Variants in MEOX1 observed in about 807,000 individuals in gnomAD.
The protein encoded by MEOX1 is mesenchyme homeobox 1.
A neutral mutation model predicts 23.2 loss-of-function variants in MEOX1; 17 were observed. That is an observed-to-expected ratio of 0.73 (90% CI 0.50 to 1.10). MEOX1 has a LOEUF of 1.10. Ranked by LOEUF, MEOX1 falls within the 50% of genes least tolerant of loss-of-function variation. The pLI is 0.00. For missense variants in MEOX1, 333 were observed against 332.2 expected, an observed-to-expected ratio of 1.00 and a Z score of -0.02; for synonymous variants, 134 against 135.1, an observed-to-expected ratio of 0.99 and a Z score of 0.06.
rs753071047 is a variant in MEOX1, at chr17:43,641,951, G to A, written c.724C>T (p.Pro242Ser). The change falls in exon 3 of 3, where the codon CCT becomes TCT. Residue 242 changes from proline to serine, a missense_variant. Coordinates refer to ENST00000318579, the MANE Select transcript of MEOX1 (RefSeq NM_004527.4). ...GQPISPNGQD[P>S]EDGDSTASPS... ...GAGGCTGTGGAGTCCCCATCCTCAGGGTCCTGCCCATTGGGGGAGATGGGC... is the reference window on the plus strand; with the variant it reads ...GAGGCTGTGGAGTCCCCATCCTCAGAGTCCTGCCCATTGGGGGAGATGGGC... The A allele has an allele frequency of 6.2e-7, 1 of 1,613,850 alleles. No individual in the cohort carries two copies. The highest frequency in any genetic ancestry group is 1.3e-5 in the African/African-American group (1 of 74,892).
intron 1 of MEOX1, among the ~76,000 whole-genome samples, chr17:43,651,675 T>G (rs1972919053): frequency 2.0e-5 from 3 of 152,230 alleles, no homozygotes. Flanking sequence ...TCTGGAGGTC[T>G]GCAGGGGCTG....
chr17:43,642,051 G>A lies in MEOX1; in HGVS notation c.643-19C>T. The A allele has an allele frequency of 1.9e-6, 3 of 1,609,284 alleles. No individual in the cohort carries two copies. The highest frequency in any genetic ancestry group is 2.5e-6 in the Non-Finnish European group (3 of 1,177,534). Reference sequence around the variant, plus strand: ...CTTTGACCTGGGGGAGGAAGCAAAGGAGCCTGGTCACTCCAGGGCCGGTGT... The same window carrying A: ...CTTTGACCTGGGGGAGGAAGCAAAGAAGCCTGGTCACTCCAGGGCCGGTGT... On this transcript the variant is annotated intron_variant, in intron 2 of 2. Transcript: ENST00000318579.
chr17:43,643,455 G>C, intron 2 of MEOX1, 33 bp downstream of exon 2: 1 of 1,525,146 alleles, frequency 6.6e-7, no homozygotes, highest in Non-Finnish European at 8.9e-7. Context: ...AGATGAGAGA[G>C]CAAAGAAGAG....
At chr17:43,653,904 G>C (rs542400558) in intron 1 of MEOX1, among the ~76,000 whole-genome samples, 99 of 152,280 alleles carry the variant, frequency 6.5e-4, no homozygotes, top group African/African-American at 2.4e-3. Context: ...CAGTGGAAAA[G>C]CTCTACCAGC....
intron 2 of MEOX1, among the ~76,000 whole-genome samples, chr17:43,642,629 A>G (rs890972210): frequency 6.6e-6 from 1 of 152,070 alleles, no homozygotes; most frequent in African/African-American, 2.4e-5. Flanking sequence ...TATTATTACT[A>G]TTATTCCGTA....
chr17:43,661,609 T>G lies in MEOX1; in HGVS notation c.-75A>C. On this transcript the variant is annotated 5_prime_UTR_variant, in exon 1 of 3. Coordinates refer to ENST00000318579, the MANE Select transcript of MEOX1 (RefSeq NM_004527.4). The stretch of plus-strand genomic sequence containing the variant: ...CTTTTTATGTTCAAATTTTTAAAAA[T>G]GCAAAAGAAAAAAAACTAAATAGGA... The G allele has an allele frequency of 1.1e-6, 1 of 895,472 alleles. No homozygotes were observed. Among genetic ancestry groups the G allele is most frequent in the Non-Finnish European group, 1.5e-6 (1 of 675,104 alleles). 55.5% of individuals were successfully genotyped at this position (895,472 alleles called of 1,614,324 possible).
intron 1 of MEOX1, among the ~76,000 whole-genome samples, chr17:43,645,225 A>G (rs1437866545): frequency 1.8e-4 from 24 of 132,312 alleles, no homozygotes; most frequent in Admixed American, 1.3e-3. Flanking sequence ...CGCCAAGGCT[A>G]GAGTGCAGTG....
intron 1 of MEOX1, among the ~76,000 whole-genome samples, chr17:43,648,434 T>G: frequency 7.0e-6 from 1 of 143,422 alleles, no homozygotes; most frequent in Admixed American, 7.2e-5. Flanking sequence ...ACCACTGCAC[T>G]CCAGCCTGGG....
chr17:43,654,465 G>A (rs1463483734), intron 1 of MEOX1, among the ~76,000 whole-genome samples: 3 of 151,920 alleles, frequency 2.0e-5, no homozygotes, highest in African/African-American at 4.8e-5. Context: ...CCGTGATCAC[G>A]CCATTGTGCT....
Position 43,645,343 on chromosome 17 carries a change from A to T in MEOX1, c.470-1683T>A, listed in dbSNP as rs13380835. Among the ~76,000 whole-genome samples the T allele has an allele frequency of 3.2e-3, 483 of 151,452 alleles. 3 individuals are homozygous for T. Among genetic ancestry groups the T allele is most frequent in the African/African-American group, 0.011 (460 of 41,264 alleles). ...AGGCGCCCGCCACCACGCCCGGCAA[A>T]TTTTTTTGTATTTTTAGTAGAGACG... On this transcript the variant is annotated intron_variant, in intron 1 of 2. Transcript: ENST00000318579.
rs1053578832 is a variant in MEOX1 at position 43,651,114 on chromosome 17, C to T, written c.470-7454G>A. ...CGGGTGGATCACGAGATCAGGAGATCGAGACCATCCTGGCTAATATGGTGA... is the reference window on the plus strand; with the variant it reads ...CGGGTGGATCACGAGATCAGGAGATTGAGACCATCCTGGCTAATATGGTGA... On this transcript the variant is annotated intron_variant, in intron 1 of 2. Transcript: ENST00000318579. 3.9e-5 allele frequency among the ~76,000 whole-genome samples: 6 copies of T among 152,030 alleles called. No homozygotes were observed. In the East Asian group the frequency reaches 5.8e-4, roughly 15 times the overall value.
rs1972697831 is a variant in MEOX1, at chr17:43,641,732, G to A, written c.*178C>T. 1 of 625,320 alleles carries A rather than the reference G, an allele frequency of 1.6e-6. No individual in the cohort carries two copies. Among genetic ancestry groups the A allele is most frequent in the Non-Finnish European group, 2.7e-6 (1 of 370,920 alleles). The allele number at this position is 625,320 out of a possible 1,614,324, so 38.7% of individuals were successfully genotyped here. On this transcript the variant is annotated 3_prime_UTR_variant, in exon 3 of 3. Transcript: ENST00000318579. Reference sequence around the variant, plus strand: ...GAAGAGGCTGCTAAGAGGCTGGACAGAACTTCCTAGAAAATCCTAAGACTC... The same window carrying A: ...GAAGAGGCTGCTAAGAGGCTGGACAAAACTTCCTAGAAAATCCTAAGACTC...
At chr17:43,651,127 G>T (rs1203746491) in intron 1 of MEOX1, among the ~76,000 whole-genome samples, 1 of 152,118 alleles carries the variant, frequency 6.6e-6, no homozygotes, top group Non-Finnish European at 1.5e-5. Flanking sequence ...GACCATCCTG[G>T]CTAATATGGT....
At chr17:43,660,099 G>T (rs1238720981) in intron 1 of MEOX1, among the ~76,000 whole-genome samples, 3 of 152,228 alleles carry the variant, frequency 2.0e-5, no homozygotes, top group Non-Finnish European at 2.9e-5. Flanking sequence ...GGAAAACAGG[G>T]CAGCACGGGC....
intron 1 of MEOX1, among the ~76,000 whole-genome samples, chr17:43,659,237 T>TGCC (rs1973096724): frequency 6.6e-6 from 1 of 152,214 alleles, no homozygotes; most frequent in South Asian, 2.1e-4. Flanking sequence ...CAGTGCTGCG[T>TGCC]GCCGCCACCA....
intron 1 of MEOX1, 119 bp downstream of exon 1, chr17:43,660,947 C>G (rs751705578): frequency 3.4e-6 from 2 of 593,906 alleles, no homozygotes; most frequent in Non-Finnish European, 5.6e-6. Context: ...GGTCCAGTCT[C>G]CTGCATTTGG....
At position 43,661,776 on chromosome 17, in the gene MEOX1, C is replaced by T. The variant is rs1215444018; in HGVS notation, c.-242G>A. The T allele has an allele frequency of 5.0e-6, 2 of 401,706 alleles. No homozygotes were observed. The highest frequency in any genetic ancestry group is 8.7e-6 in the Non-Finnish European group (2 of 228,710). 24.9% of individuals were successfully genotyped at this position (401,706 alleles called of 1,614,324 possible). A position where few individuals can be genotyped will look rare whatever the true frequency, so the allele number is the denominator to read the frequency against. On this transcript the variant is annotated 5_prime_UTR_variant, in exon 1 of 3. Transcript: ENST00000318579. ...CACACCTATGTCGGGCTTGCTCCTGCCCCTCCAATGCACCAGCCTACCTAC... is the reference window on the plus strand; with the variant it reads ...CACACCTATGTCGGGCTTGCTCCTGTCCCTCCAATGCACCAGCCTACCTAC...
rs1358532357 is a variant in MEOX1 at position 43,656,998 on chromosome 17, TTCTTTCTTTCTTTC to T, written c.469+4054_469+4067del. Reference sequence around the variant, plus strand: ...GTTTGTTCATTTTCTTTCTTTCTTTTTCTTTCTTTCTTTCTCTTTCTTTCTTTCTTTCTTTCTTT... The same window carrying T: ...GTTTGTTCATTTTCTTTCTTTCTTTTTCTTTCTTTCTTTCTTTCTTTCTTT... On this transcript the variant is annotated intron_variant, in intron 1 of 2. Coordinates refer to ENST00000318579, the MANE Select transcript of MEOX1 (RefSeq NM_004527.4). 3.9e-3 allele frequency among the ~76,000 whole-genome samples: 395 copies of T among 101,364 alleles called. 2 individuals are homozygous for T. Among genetic ancestry groups the T allele is most frequent in the African/African-American group, 7.3e-3 (150 of 20,608 alleles). The allele number at this position is 101,364 out of a possible 152,430, so 66.5% of individuals were successfully genotyped here.
chr17:43,646,810 T>C (rs933177426), intron 1 of MEOX1, among the ~76,000 whole-genome samples: 1 of 152,074 alleles, frequency 6.6e-6, no homozygotes, highest in Non-Finnish European at 1.5e-5. Context: ...ACACCGTCTC[T>C]ACTAAAAATA....
Sources: allele counts gnomAD v4.1 joint callset (sites outside exome capture counted in the v4.1 genomes callset), GRCh38; gene constraint gnomAD v4.1.1; transcripts MANE v1.5; gene names NCBI Gene and HGNC (gene_info 2026-07-23, HGNC 2026-07-21).